Variants in TMEM170B observed in about 807,000 individuals in gnomAD.
The protein encoded by TMEM170B is transmembrane protein 170B.
A neutral mutation model predicts 13.0 loss-of-function variants in TMEM170B; 6 were observed. That is an observed-to-expected ratio of 0.46 (90% CI 0.25 to 0.91). The LOEUF (loss-of-function observed/expected upper bound fraction) is 0.91, where lower values mean the gene tolerates loss of function less well. Among genes scored for constraint, TMEM170B ranks in the 40% least tolerant of loss-of-function variants. The pLI is 0.17. For synonymous variants in TMEM170B, 61 were observed against 64.9 expected, an observed-to-expected ratio of 0.94 and a Z score of 0.29; for missense variants, 138 against 165.2, an observed-to-expected ratio of 0.84 and a Z score of 0.90.
At chr6:11,554,806 CTCTT>C (rs1441922118) in intron 1 of TMEM170B, among the ~76,000 whole-genome samples, 1 of 152,058 alleles carries the variant, frequency 6.6e-6, no homozygotes, top group African/African-American at 2.4e-5. Context: ...TTTCTGCTCT[CTCTT>C]AAGAGGCAAA....
At chr6:11,574,134 T>C (rs1264477621) in intron 2 of TMEM170B, among the ~76,000 whole-genome samples, 4 of 152,138 alleles carry the variant, frequency 2.6e-5, no homozygotes, top group Non-Finnish European at 5.9e-5. Flanking sequence ...GGCTAGTAAC[T>C]GAACCTCTCT....
At chr6:11,557,532 A>G (rs554114952) in intron 1 of TMEM170B, among the ~76,000 whole-genome samples, 1 of 152,382 alleles carries the variant, frequency 6.6e-6, no homozygotes, top group Non-Finnish European at 1.5e-5. Flanking sequence ...AATAATTTAA[A>G]AAAAGAAATT....
At chr6:11,545,725 C>A (rs982666154) in intron 1 of TMEM170B, among the ~76,000 whole-genome samples, 3 of 150,650 alleles carry the variant, frequency 2.0e-5, no homozygotes, top group African/African-American at 7.4e-5. Context: ...TTAGAATGTA[C>A]CCCTACTTGT....
At chr6:11,538,481 C>G (rs1269887828) in intron 1 of TMEM170B, 107 bp downstream of exon 1, 6 of 844,652 alleles carry the variant, frequency 7.1e-6, no homozygotes, top group Non-Finnish European at 1.0e-5. Flanking sequence ...CCGTGCGCGC[C>G]CCGCTCGGAG....
intron 1 of TMEM170B, among the ~76,000 whole-genome samples, chr6:11,552,439 G>C (rs911094760): frequency 8.5e-5 from 13 of 152,050 alleles, no homozygotes; most frequent in African/African-American, 2.9e-4. Context: ...CCTGAGTGTC[G>C]TCATCCAAAA....
chr6:11,538,182 TG>T lies in TMEM170B; in HGVS notation c.-94del. The T allele has an allele frequency of 2.6e-6, 1 of 384,772 alleles. No homozygotes were observed. Among genetic ancestry groups the T allele is most frequent in the Non-Finnish European group, 3.8e-6 (1 of 266,188 alleles). 23.8% of individuals were successfully genotyped at this position (384,772 alleles called of 1,614,324 possible). ...GCAGCCTCCACCAGCGGCGGCGGCC[TG>T]GAGGAGCCGCGCACCCGCCGCCGCC... is the stretch of plus-strand genomic sequence containing the variant. On this transcript the variant is annotated 5_prime_UTR_variant, in exon 1 of 3. Coordinates refer to ENST00000379426, the MANE Select transcript of TMEM170B (RefSeq NM_001100829.3).
At chr6:11,561,919 A>C (rs1331925001) in intron 1 of TMEM170B, among the ~76,000 whole-genome samples, 1 of 152,218 alleles carries the variant, frequency 6.6e-6, no homozygotes, top group African/African-American at 2.4e-5. Flanking sequence ...TATTGTTGAG[A>C]TCATAGCTAC....
intron 1 of TMEM170B, among the ~76,000 whole-genome samples, chr6:11,556,632 C>T (rs1032104859): frequency 6.6e-6 from 1 of 152,138 alleles, no homozygotes; most frequent in African/African-American, 2.4e-5. Flanking sequence ...ACTCTTCTTA[C>T]ATTTGTGATT....
In TMEM170B at chr6:11,576,926, G is replaced by GTA; in HGVS notation, c.*1366_*1367dup. On this transcript the variant is annotated 3_prime_UTR_variant, in exon 3 of 3. Coordinates refer to ENST00000379426, the MANE Select transcript of TMEM170B (RefSeq NM_001100829.3). ...TAAGAGGTTCTGGCAATACGTAATT[G>GTA]TAAGAGTATAGGAAGTAGGGTTGAA... 1 of 152,112 alleles carries GTA rather than the reference G, an allele frequency of 6.6e-6. No individual in the cohort carries two copies. The allele number at this position is 152,112 out of a possible 1,614,324, so 9.4% of individuals were successfully genotyped here. A position where few individuals can be genotyped will look rare whatever the true frequency, so the allele number is the denominator to read the frequency against.
intron 2 of TMEM170B, among the ~76,000 whole-genome samples, chr6:11,573,045 T>C (rs74503511): frequency 0.018 from 2,744 of 152,270 alleles, 62 homozygotes; most frequent in African/African-American, 0.061. Context: ...ATTGTGTGTG[T>C]TTATGCATGT....
chr6:11,539,322 A>G (rs1388599442), intron 1 of TMEM170B, among the ~76,000 whole-genome samples: 2 of 152,216 alleles, frequency 1.3e-5, no homozygotes, highest in Non-Finnish European at 2.9e-5. Flanking sequence ...AAATACTCAG[A>G]ATTTAATTCT....
Position 11,583,172 on chromosome 6 carries a change from A to G in TMEM170B, c.*7611A>G, listed in dbSNP as rs1292021840. 1.3e-5 allele frequency: 2 copies of G among 152,190 alleles called. No individual in the cohort carries two copies. The highest frequency in any genetic ancestry group is 2.9e-5 in the Non-Finnish European group (2 of 68,022). The allele number at this position is 152,190 out of a possible 1,614,324, so 9.4% of individuals were successfully genotyped here. A position where few individuals can be genotyped will look rare whatever the true frequency, so the allele number is the denominator to read the frequency against. On this transcript the variant is annotated 3_prime_UTR_variant, in exon 3 of 3. Coordinates refer to ENST00000379426, the MANE Select transcript of TMEM170B (RefSeq NM_001100829.3). Reference sequence around the variant, plus strand: ...ATTTTTCACCATTCTCATTTTCTTCAAAGGGCAGCAATAAACATATGCAAG... The same window carrying G: ...ATTTTTCACCATTCTCATTTTCTTCGAAGGGCAGCAATAAACATATGCAAG...
At chr6:11,571,918 T>A (rs928794775) in intron 2 of TMEM170B, among the ~76,000 whole-genome samples, 2 of 152,150 alleles carry the variant, frequency 1.3e-5, no homozygotes, top group Non-Finnish European at 2.9e-5. Flanking sequence ...TAATGGCTAA[T>A]AATATGTGAA....
At chr6:11,558,468 A>G (rs1405650373) in intron 1 of TMEM170B, among the ~76,000 whole-genome samples, 1 of 152,188 alleles carries the variant, frequency 6.6e-6, no homozygotes, top group Non-Finnish European at 1.5e-5. Flanking sequence ...AGAAACGTTT[A>G]AATTTGGGCA....
chr6:11,570,857 AT>A (rs1175607411), intron 2 of TMEM170B, among the ~76,000 whole-genome samples: 4 of 152,206 alleles, frequency 2.6e-5, no homozygotes, highest in African/African-American at 9.6e-5. Flanking sequence ...GTGCAGCTGT[AT>A]TTCAAGAAAA....
chr6:11,542,602 T>TA (rs1759377394), intron 1 of TMEM170B, among the ~76,000 whole-genome samples: 1 of 152,196 alleles, frequency 6.6e-6, no homozygotes. Flanking sequence ...AGATTAGAAA[T>TA]ATGTTTCACT....
At chr6:11,570,003 GC>G (rs1759780805) in intron 2 of TMEM170B, among the ~76,000 whole-genome samples, 1 of 151,696 alleles carries the variant, frequency 6.6e-6, no homozygotes, top group Non-Finnish European at 1.5e-5. Context: ...CTGTTGATGG[GC>G]CTTTATTCTT....
Position 11,575,718 on chromosome 6 carries a change from C to T in TMEM170B, c.*157C>T. On this transcript the variant is annotated 3_prime_UTR_variant, in exon 3 of 3. Transcript: ENST00000379426. This position sits in a 1 kb window ranked among gnomAD's most constrained non-coding sequence, Gnocchi z 4.1. ...TTGAGCTGTGTGGAAGGATTGCCCT[C>T]TGGTGTTCAAGTGATTGCACTACCG... 1.2e-6 allele frequency: 1 copy of T among 852,884 alleles called. No individual in the cohort carries two copies. The highest frequency in any genetic ancestry group is 2.7e-5 in the East Asian group (1 of 37,184). 52.8% of individuals were successfully genotyped at this position (852,884 alleles called of 1,614,324 possible). A position where few individuals can be genotyped will look rare whatever the true frequency, so the allele number is the denominator to read the frequency against.
Position 11,579,301 on chromosome 6 carries a change from AC to A in TMEM170B, c.*3741del, listed in dbSNP as rs1164431380. The A allele has an allele frequency of 1.3e-5, 2 of 152,206 alleles. No individual in the cohort carries two copies. Among genetic ancestry groups the A allele is most frequent in the Non-Finnish European group, 2.9e-5 (2 of 68,044 alleles). 9.4% of individuals were successfully genotyped at this position (152,206 alleles called of 1,614,324 possible). On this transcript the variant is annotated 3_prime_UTR_variant, in exon 3 of 3. Coordinates refer to ENST00000379426, the MANE Select transcript of TMEM170B (RefSeq NM_001100829.3). Reference sequence around the variant, plus strand: ...TCAACTTTTTGACCTTGAGCAAATCACTTAACTTCTCTGAGCCTCAGTTCAT... The same window carrying A: ...TCAACTTTTTGACCTTGAGCAAATCATTAACTTCTCTGAGCCTCAGTTCAT...
Sources: allele counts gnomAD v4.1 joint callset (sites outside exome capture counted in the v4.1 genomes callset), GRCh38; gene constraint gnomAD v4.1.1; non-coding constraint Gnocchi (gnomAD v3.1); transcripts MANE v1.5; gene names NCBI Gene and HGNC (gene_info 2026-07-23, HGNC 2026-07-21).